Variants in USP34 observed in about 807,000 individuals in gnomAD.
USP34 encodes the protein ubiquitin specific peptidase 34, also known as ubiquitin carboxyl-terminal hydrolase 34.
USP34 carries 70 observed loss-of-function variants against 460.3 expected under a neutral mutation model. The observed-to-expected ratio is 0.15, with a 90% CI of 0.13 to 0.19. The LOEUF (loss-of-function observed/expected upper bound fraction) is 0.19, where lower values mean the gene tolerates loss of function less well. Ranked by LOEUF, USP34 falls within the 10% of genes least tolerant of loss-of-function variation. The probability of loss-of-function intolerance (pLI) is 1.00; values close to 1 mark genes in which losing one functional copy is unlikely to be tolerated. For missense variants in USP34, 3,985 were observed against 4,236.2 expected (o/e 0.94, Z 1.65); for synonymous variants, 1,647 against 1,405.3 (o/e 1.17, Z -3.85).
chr2:61,426,654 T>G (rs895383202), intron 1 of USP34, among the ~76,000 whole-genome samples: 2 of 152,226 alleles, frequency 1.3e-5, no homozygotes, highest in Admixed American at 6.5e-5. Context: ...GAAGGAAGGA[T>G]GCAGGTCTGG....
chr2:61,235,381 A>C (rs1688038001), intron 57 of USP34, among the ~76,000 whole-genome samples: 2 of 144,754 alleles, frequency 1.4e-5, no homozygotes, highest in Non-Finnish European at 3.0e-5. Flanking sequence ...GCTGGAGTGC[A>C]GTGGCACAAT....
At chr2:61,223,535 T>C in intron 62 of USP34, 1 of 504,212 alleles carries the variant, frequency 2.0e-6, no homozygotes, top group East Asian at 3.5e-5. Context: ...CTTACTATTT[T>C]AGTATATAAA....
In USP34 at chr2:61,257,240, A is replaced by G; in HGVS notation, c.5955T>C (p.Asp1985=). 3.1e-6 allele frequency: 5 copies of G among 1,611,346 alleles called. No homozygotes were observed. The highest frequency in any genetic ancestry group is 4.2e-6 in the Non-Finnish European group (5 of 1,178,792). The change falls in exon 45 of 80, where the codon GAT becomes GAC. Residue 1985 remains aspartate (D), a synonymous_variant. Coordinates refer to ENST00000398571, the MANE Select transcript of USP34 (RefSeq NM_014709.4). ...ACATTTCTTCGATTTTGGTAATTAG[A>G]TCAGTAAAAAACTCTGTCATATCTT... The part of the protein sequence containing the change: ...EQKDMTEFFT[D]LITKIEEMSP...
chr2:61,402,928 T>C (rs1325950310), intron 3 of USP34, among the ~76,000 whole-genome samples: 1 of 152,158 alleles, frequency 6.6e-6, no homozygotes, highest in Non-Finnish European at 1.5e-5. Context: ...TTTGAAACAG[T>C]TGACCCTTAC....
At chr2:61,414,147 C>G (rs867242099) in intron 2 of USP34, among the ~76,000 whole-genome samples, 61 of 151,886 alleles carry the variant, frequency 4.0e-4, no homozygotes, top group African/African-American at 1.4e-3. Context: ...CCCAGCTACT[C>G]GGGAGGCTGA....
chr2:61,372,073 GT>G (rs1330292295), intron 8 of USP34, among the ~76,000 whole-genome samples: 9 of 151,958 alleles, frequency 5.9e-5, no homozygotes, highest in African/African-American at 2.2e-4. Flanking sequence ...AAGAAAATAA[GT>G]TTCAAAATAA....
intron 3 of USP34, among the ~76,000 whole-genome samples, chr2:61,397,536 C>T (rs560508002): frequency 1.2e-4 from 18 of 152,072 alleles, no homozygotes; most frequent in Non-Finnish European, 2.2e-4. Flanking sequence ...GAGGCCAAGG[C>T]CGGCGAATCA....
chr2:61,276,568 CT>C (rs1424202480), intron 41 of USP34, among the ~76,000 whole-genome samples: 3 of 152,046 alleles, frequency 2.0e-5, no homozygotes, highest in Non-Finnish European at 4.4e-5. Flanking sequence ...TGGGAATATT[CT>C]TTTTTTGTAC....
intron 21 of USP34, among the ~76,000 whole-genome samples, chr2:61,319,972 T>A (rs1317756712): frequency 1.3e-5 from 2 of 152,188 alleles, no homozygotes; most frequent in Non-Finnish European, 2.9e-5. Flanking sequence ...AGATAGTTAT[T>A]TATCCAGTTT....
intron 61 of USP34, among the ~76,000 whole-genome samples, chr2:61,228,240 C>A (rs1353796345): frequency 6.6e-6 from 1 of 152,156 alleles, no homozygotes. Flanking sequence ...TTATGAACAA[C>A]ACAAAACTGA....
At position 61,188,426 on chromosome 2, in the gene USP34, G is replaced by T; in HGVS notation, c.10317C>A (p.Ser3439=). Residue 3439 remains serine (S), a synonymous_variant, in exon 80 of 80, where the codon TCC becomes TCA. Coordinates refer to ENST00000398571, the MANE Select transcript of USP34 (RefSeq NM_014709.4). ...TACAATCGTCATATCTACCATTGTT[G>T]GACTGTTCTTCTGCATGCTGTGACC... The part of the protein sequence containing the change: ...NIRSQHAEEQ[S]NNGRYDDCKE... 6.2e-7 allele frequency: 1 copy of T among 1,614,132 alleles called. No individual in the cohort carries two copies. Among genetic ancestry groups the T allele is most frequent in the Non-Finnish European group, 8.5e-7 (1 of 1,180,026 alleles).
intron 6 of USP34, among the ~76,000 whole-genome samples, chr2:61,381,954 G>A (rs542369819): frequency 6.6e-6 from 1 of 151,558 alleles, no homozygotes; most frequent in African/African-American, 2.4e-5. Context: ...AATTGAGGAG[G>A]GGGGGTGCTG....
chr2:61,307,504 A>G (rs1201268866), intron 27 of USP34, among the ~76,000 whole-genome samples: 2 of 152,118 alleles, frequency 1.3e-5, no homozygotes, highest in African/African-American at 4.8e-5. Flanking sequence ...TAAGGACTCA[A>G]TCTCATGATT....
At chr2:61,205,873 T>G (rs2103773886) in intron 72 of USP34, 144 bp downstream of exon 72, 2 of 584,184 alleles carry the variant, frequency 3.4e-6, no homozygotes, top group South Asian at 5.3e-5. Context: ...TTTTCTTTAT[T>G]TTCTTAGGAC....
In USP34 at chr2:61,235,712, A is replaced by G; in HGVS notation, c.7032+133T>C. ...TAAATTATAACTTTCTCAGCTACCA[A>G]ATGATTTTAAGAATGACTTCCATTT... On this transcript the variant is annotated intron_variant, in intron 57 of 79. Coordinates refer to ENST00000398571, the MANE Select transcript of USP34 (RefSeq NM_014709.4). 5.3e-6 allele frequency: 4 copies of G among 755,046 alleles called. No individual in the cohort carries two copies. The South Asian group carries it at 5.9e-5, about 11-fold the overall frequency. 46.8% of individuals were successfully genotyped at this position (755,046 alleles called of 1,614,324 possible). A position where few individuals can be genotyped will look rare whatever the true frequency, so the allele number is the denominator to read the frequency against.
chr2:61,415,995 A>G (rs1294439962), intron 2 of USP34, among the ~76,000 whole-genome samples: 1 of 152,234 alleles, frequency 6.6e-6, no homozygotes, highest in Non-Finnish European at 1.5e-5. Flanking sequence ...TTTCCAGGTT[A>G]GGTTTTAGAA....
At chr2:61,426,195 T>C (rs954113517) in intron 1 of USP34, among the ~76,000 whole-genome samples, 2 of 152,056 alleles carry the variant, frequency 1.3e-5, no homozygotes, top group African/African-American at 4.8e-5. Context: ...GGGGCAAAAC[T>C]CCTACTTGAG....
intron 74 of USP34, among the ~76,000 whole-genome samples, chr2:61,203,700 TAAAG>T (rs1337368356): frequency 6.6e-6 from 1 of 151,972 alleles, no homozygotes; most frequent in Non-Finnish European, 1.5e-5. Context: ...GAAGTGTGGG[TAAAG>T]AAAGATAAAG....
intron 10 of USP34, among the ~76,000 whole-genome samples, chr2:61,352,597 A>G (rs1691972935): frequency 2.6e-5 from 4 of 151,744 alleles, no homozygotes; most frequent in African/African-American, 9.7e-5. Context: ...CAAAGTGCTG[A>G]AATTACAGGA....
Sources: allele counts gnomAD v4.1 joint callset (sites outside exome capture counted in the v4.1 genomes callset), GRCh38; gene constraint gnomAD v4.1.1; transcripts MANE v1.5; gene names NCBI Gene and HGNC (gene_info 2026-07-23, HGNC 2026-07-21).